Variants in SCAPER observed in about 807,000 individuals in gnomAD.
SCAPER encodes S-phase cyclin A associated protein in the ER, also known as S phase cyclin A-associated protein in the endoplasmic reticulum.
Under a neutral mutation model 182.2 loss-of-function variants are expected in SCAPER, and 98 were observed. The observed-to-expected ratio is 0.54, with a 90% CI of 0.46 to 0.64. SCAPER has a LOEUF of 0.64. Ranked by LOEUF, SCAPER falls within the 30% of genes least tolerant of loss-of-function variation. The pLI is 0.00. For synonymous variants in SCAPER, 605 were observed against 564.6 expected (o/e 1.07, Z -1.01); for missense variants, 1,432 against 1,690.0 (o/e 0.85, Z 2.68).
At chr15:76,707,263 C>A (rs569898017) in intron 17 of SCAPER, among the ~76,000 whole-genome samples, 4 of 151,946 alleles carry the variant, frequency 2.6e-5, no homozygotes, top group African/African-American at 7.2e-5. Flanking sequence ...ATCAAAATGG[C>A]GGACATAAAT....
intron 8 of SCAPER, among the ~76,000 whole-genome samples, chr15:76,791,827 C>A (rs571373514): frequency 2.0e-5 from 3 of 151,996 alleles, no homozygotes; most frequent in Non-Finnish European, 4.4e-5. Flanking sequence ...TCATTTGAGA[C>A]CCCAAAAGGC....
In SCAPER at chr15:76,353,887, T is replaced by C. The variant is rs549516868; in HGVS notation, c.4047+62A>G. On this transcript the variant is annotated intron_variant, in intron 30 of 31. Coordinates refer to ENST00000563290, the MANE Select transcript of SCAPER (RefSeq NM_020843.4). ...CAAAAATAAACAGCTGGCTTACTTT[T>C]ACATTTCTGTCGCATTAGTTTACAC... 2.2e-5 allele frequency: 30 copies of C among 1,381,598 alleles called. No individual in the cohort carries two copies. In the East Asian group the frequency reaches 7.9e-4, roughly 36 times the overall value. 85.6% of individuals were successfully genotyped at this position (1,381,598 alleles called of 1,614,324 possible). A position where few individuals can be genotyped will look rare whatever the true frequency, so the allele number is the denominator to read the frequency against.
rs1031085805 is a variant in SCAPER at position 76,562,412 on chromosome 15, G to A, written c.2838+11746C>T. Among the ~76,000 whole-genome samples the A allele has an allele frequency of 4.6e-5, 7 of 152,118 alleles. No individual in the cohort carries two copies. In the South Asian group the frequency reaches 1.5e-3, roughly 32 times the overall value. On this transcript the variant is annotated intron_variant, in intron 23 of 31. Coordinates refer to ENST00000563290, the MANE Select transcript of SCAPER (RefSeq NM_020843.4). ...AATACATTTGAATAACCTAGGACTA[G>A]TGTCCAGAACACACAGGATATTCTA...
At chr15:76,459,544 T>TG (rs2048995838) in intron 25 of SCAPER, among the ~76,000 whole-genome samples, 1 of 530 alleles carries the variant, frequency 1.9e-3, no homozygotes, top group African/African-American at 2.5e-3. Context: ...ATTATTAGGG[T>TG]TTTTTTTTTT....
chr15:76,702,691 C>T (rs1052560541), intron 19 of SCAPER, among the ~76,000 whole-genome samples, 159 bp downstream of exon 19: 6 of 152,200 alleles, frequency 3.9e-5, no homozygotes, highest in East Asian at 1.9e-4. Flanking sequence ...TGAAGTGATC[C>T]GCCCACCTCA....
chr15:76,510,900 C>T (rs1023931247), intron 23 of SCAPER, among the ~76,000 whole-genome samples: 6 of 150,778 alleles, frequency 4.0e-5, no homozygotes, highest in Non-Finnish European at 5.9e-5. Flanking sequence ...CGCGCGCGCA[C>T]GTATGGAATA....
intron 23 of SCAPER, among the ~76,000 whole-genome samples, chr15:76,523,590 A>C (rs1296433974): frequency 2.0e-5 from 3 of 152,128 alleles, no homozygotes; most frequent in African/African-American, 7.2e-5. Context: ...ATTTTTGGGC[A>C]TCCACCCAAT....
intron 2 of SCAPER, among the ~76,000 whole-genome samples, chr15:76,866,762 A>T (rs1568370425): frequency 6.6e-6 from 1 of 152,194 alleles, no homozygotes; most frequent in Non-Finnish European, 1.5e-5. Context: ...GCATTTTAAT[A>T]TCAGTATCAG....
chr15:76,429,974 G>A (rs957212184), intron 26 of SCAPER, among the ~76,000 whole-genome samples: 5 of 152,144 alleles, frequency 3.3e-5, no homozygotes, highest in Non-Finnish European at 7.3e-5. Flanking sequence ...CCCCTGCTCT[G>A]TGCAGTCTAG....
rs764980992 is a variant in SCAPER at position 76,733,246 on chromosome 15, G to A, written c.2005C>T (p.Arg669Cys). The change falls in exon 16 of 32, where the codon CGT (arginine) becomes TGT (cysteine). Residue 669 changes from arginine to cysteine, a missense_variant. Arg to Cys is a radical substitution (Grantham distance 180). This residue lies in a region of SCAPER where 88 missense variants were observed against 184.2 expected (regional missense o/e 0.48). Transcript: ENST00000563290. ...AATCCTACCTGCACAGCTTCATCACGTGCTTGCTTTTCTTCCTGTCTTCTC... is the reference window on the plus strand; with the variant it reads ...AATCCTACCTGCACAGCTTCATCACATGCTTGCTTTTCTTCCTGTCTTCTC... ...RQRRQEEKQA[R>C]DEAVQERKRA... 3 of 1,579,652 alleles carry A rather than the reference G, an allele frequency of 1.9e-6. No homozygotes were observed. Among genetic ancestry groups the A allele is most frequent in the African/African-American group, 1.4e-5 (1 of 74,050 alleles).
At chr15:76,586,286 G>A (rs2145590673) in intron 22 of SCAPER, among the ~76,000 whole-genome samples, 1 of 152,188 alleles carries the variant, frequency 6.6e-6, no homozygotes, top group South Asian at 2.1e-4. Context: ...ATAATGGATA[G>A]GAAGACATAA....
At chr15:76,562,366 A>G (rs2046708230) in intron 23 of SCAPER, among the ~76,000 whole-genome samples, 1 of 152,176 alleles carries the variant, frequency 6.6e-6, no homozygotes, top group African/African-American at 2.4e-5. Flanking sequence ...ACACAGCTCA[A>G]TAACAGGAGT....
At chr15:76,483,227 A>G (rs1479448537) in intron 24 of SCAPER, among the ~76,000 whole-genome samples, 3 of 151,814 alleles carry the variant, frequency 2.0e-5, no homozygotes, top group Non-Finnish European at 4.4e-5. Context: ...TTGATAAAGG[A>G]GCAAAGGCAA....
At chr15:76,391,013 A>C (rs1476729614) in intron 27 of SCAPER, among the ~76,000 whole-genome samples, 1 of 152,070 alleles carries the variant, frequency 6.6e-6, no homozygotes, top group East Asian at 1.9e-4. Context: ...AGTGGCTTCC[A>C]CTCACACTTA....
rs543539116 is a variant in SCAPER, at chr15:76,447,257, C to T, written c.3079-12947G>A. The stretch of plus-strand genomic sequence containing the variant: ...GTAATCCATGCTTCTTTTCCTCATC[C>T]TATAAATCTCTTCATCTGTATCCTT... On this transcript the variant is annotated intron_variant, in intron 25 of 31. Coordinates refer to ENST00000563290, the MANE Select transcript of SCAPER (RefSeq NM_020843.4). 1.1e-4 allele frequency among the ~76,000 whole-genome samples: 16 copies of T among 152,262 alleles called. No homozygotes were observed. In the East Asian group the frequency reaches 3.1e-3, roughly 29 times the overall value.
rs185266201 is a variant in SCAPER at position 76,509,433 on chromosome 15, C to A, written c.2839-4459G>T. On this transcript the variant is annotated intron_variant, in intron 23 of 31. Coordinates refer to ENST00000563290, the MANE Select transcript of SCAPER (RefSeq NM_020843.4). ...ATTACAGCAACCTCCTAATTAGTAT[C>A]TTTGGGTCCAAGCTTACCCTAACCA... Among the ~76,000 whole-genome samples, 544 of 152,282 alleles carry A rather than the reference C, an allele frequency of 3.6e-3. 6 individuals carry two copies. The highest frequency in any genetic ancestry group is 0.013 in the African/African-American group (525 of 41,568).
At chr15:76,359,246 T>C (rs2141708564) in intron 29 of SCAPER, among the ~76,000 whole-genome samples, 1 of 151,784 alleles carries the variant, frequency 6.6e-6, no homozygotes, top group Middle Eastern at 3.4e-3. Flanking sequence ...AGGACTACTC[T>C]TCAGAGCACA....
chr15:76,613,832 T>C (rs555499171), intron 22 of SCAPER, among the ~76,000 whole-genome samples: 2 of 152,308 alleles, frequency 1.3e-5, no homozygotes, highest in South Asian at 2.1e-4. Flanking sequence ...AGTTCGGCCA[T>C]TGTGGAAGAC....
chr15:76,813,251 AAAAAC>A (rs1729024203), intron 5 of SCAPER, among the ~76,000 whole-genome samples: 2 of 61,016 alleles, frequency 3.3e-5, no homozygotes, highest in African/African-American at 6.7e-5. Flanking sequence ...AAAAAAAAAA[AAAAAC>A]AACTCAACAA....
Sources: allele counts gnomAD v4.1 joint callset (sites outside exome capture counted in the v4.1 genomes callset), GRCh38; gene constraint gnomAD v4.1.1; regional missense constraint gnomAD v4.1.1; transcripts MANE v1.5; gene names NCBI Gene and HGNC (gene_info 2026-07-23, HGNC 2026-07-21).